TOM1: variants seen among roughly 807,000 people sequenced by gnomAD.
TOM1 encodes the protein target of Myb protein 1.
Under a neutral mutation model 61.3 loss-of-function variants are expected in TOM1, and 38 were observed. The ratio of observed to expected loss-of-function variants is 0.62; its 90% CI spans 0.48 to 0.81. The LOEUF is 0.81. TOM1 is among the 40% of genes least tolerant of loss of function. The pLI, the probability that TOM1 is intolerant of heterozygous loss-of-function variation, is 0.00. For synonymous variants in TOM1, 270 were observed against 268.8 expected (o/e 1.00, Z -0.04); for missense variants, 591 against 659.6 (o/e 0.90, Z 1.14).
Position 35,347,352 on chromosome 22 carries a change from C to CCAGCCA in TOM1, c.*147_*148insCACAGC. 6 of 857,032 alleles carry CCAGCCA rather than the reference C, an allele frequency of 7.0e-6. No homozygotes were observed. The highest frequency in any genetic ancestry group is 8.6e-6 in the Non-Finnish European group (5 of 581,162). 53.1% of individuals were successfully genotyped at this position (857,032 alleles called of 1,614,324 possible). The stretch of plus-strand genomic sequence containing the variant: ...CCTCCTCTTTGAAGACGGAGCTGCC[C>CCAGCCA]CAGCTGTGGCTGGGGGTGTGGAGGC... On this transcript the variant is annotated 3_prime_UTR_variant, in exon 15 of 15. Coordinates refer to ENST00000449058, the MANE Select transcript of TOM1 (RefSeq NM_005488.3).
intron 3 of TOM1, among the ~76,000 whole-genome samples, chr22:35,322,806 A>G (rs1163440682): frequency 1.3e-5 from 2 of 152,184 alleles, no homozygotes; most frequent in African/African-American, 2.4e-5. Flanking sequence ...AGTCCAGCCC[A>G]CACACCATAC....
At chr22:35,334,591 C>G (rs1929128707) in intron 11 of TOM1, 143 bp downstream of exon 11, 2 of 1,003,250 alleles carry the variant, frequency 2.0e-6, no homozygotes, top group Admixed American at 4.8e-5. Context: ...CTAAGTCAGT[C>G]CAGCATGGCC....
chr22:35,321,681 G>A (rs1188177932), intron 2 of TOM1: 6 of 522,216 alleles, frequency 1.1e-5, no homozygotes, highest in South Asian at 6.2e-5. Flanking sequence ...TTACAGGCAT[G>A]AGCCACCGCG....
At chr22:35,324,797 G>A (rs575385340) in intron 6 of TOM1, among the ~76,000 whole-genome samples, 166 of 152,328 alleles carry the variant, frequency 1.1e-3, no homozygotes, top group Non-Finnish European at 1.2e-3. Context: ...TGATCTACTC[G>A]TCTTGGCCTC....
At chr22:35,333,049 C>T (rs987125261) in intron 9 of TOM1, 35 bp downstream of exon 9, 5 of 1,611,594 alleles carry the variant, frequency 3.1e-6, no homozygotes, top group Non-Finnish European at 4.2e-6. Flanking sequence ...AGATCAGGCC[C>T]TGTTCATGGG....
intron 1 of TOM1, among the ~76,000 whole-genome samples, chr22:35,312,808 T>C (rs1218741621): frequency 6.6e-6 from 1 of 152,186 alleles, no homozygotes; most frequent in African/African-American, 2.4e-5. Context: ...TGACTGTGGC[T>C]GACGCCAGCC....
intron 11 of TOM1, among the ~76,000 whole-genome samples, 183 bp downstream of exon 11, chr22:35,334,631 C>T (rs1222411317): frequency 4.6e-5 from 7 of 152,170 alleles, no homozygotes; most frequent in South Asian, 2.1e-4. Context: ...TGACAGACTG[C>T]GCTCCCCACA....
At chr22:35,317,735 C>T in intron 1 of TOM1, 142 bp from the exon 2 acceptor site, 1 of 671,150 alleles carries the variant, frequency 1.5e-6, no homozygotes, top group Non-Finnish European at 2.8e-6. Flanking sequence ...CACACAGGGC[C>T]AGGCCCTGTG....
intron 1 of TOM1, among the ~76,000 whole-genome samples, chr22:35,300,614 C>T (rs1217605601): frequency 2.0e-5 from 3 of 152,188 alleles, no homozygotes; most frequent in African/African-American, 7.2e-5. Flanking sequence ...TCGGACAAAC[C>T]CTCCTGGTCA....
chr22:35,313,048 G>C (rs1926970326), intron 1 of TOM1, among the ~76,000 whole-genome samples: 1 of 152,100 alleles, frequency 6.6e-6, no homozygotes, highest in Non-Finnish European at 1.5e-5. Flanking sequence ...GTGTGGAAAG[G>C]GGTGATACTG....
chr22:35,339,062 G>A lies in TOM1; in HGVS notation c.1224+274G>A, dbSNP rs529136623. ...AACTGGAGACCAGGCCGGGCGTGGT[G>A]GCTCACACCTGTAATCCCAGCACTT... On this transcript the variant is annotated intron_variant, in intron 12 of 14. Coordinates refer to ENST00000449058, the MANE Select transcript of TOM1 (RefSeq NM_005488.3). Among the ~76,000 whole-genome samples the A allele has an allele frequency of 1.6e-3, 249 of 152,282 alleles. 2 individuals carry two copies. Among genetic ancestry groups the A allele is most frequent in the African/African-American group, 5.9e-3 (244 of 41,546 alleles).
In TOM1 at chr22:35,334,417, C is replaced by T. The variant is rs377303679; in HGVS notation, c.1117C>T (p.Arg373Trp). 5.7e-5 allele frequency: 92 copies of T among 1,613,936 alleles called. No homozygotes were observed. Among genetic ancestry groups the T allele is most frequent in the Middle Eastern group, 1.6e-4 (1 of 6,082 alleles). The change falls in exon 11 of 15, where the codon CGG becomes TGG. Residue 373 changes from arginine (R) to tryptophan (W), a missense_variant. By Grantham distance (101) the Arg-to-Trp change is moderately radical. Coordinates refer to ENST00000449058, the MANE Select transcript of TOM1 (RefSeq NM_005488.3). ...TGAGTTTGACATGTTTGCGCTGACA[C>T]GGGGCAGCTCACTGGCTGACCAACG... ...EDEFDMFALT[R>W]GSSLADQRKE...
intron 12 of TOM1, among the ~76,000 whole-genome samples, chr22:35,342,712 ACACACACCTC>A (rs1003516263): frequency 6.6e-6 from 1 of 151,612 alleles, no homozygotes; most frequent in African/African-American, 2.4e-5. Flanking sequence ...CACATCCACC[ACACACACCTC>A]CACACACCAC....
chr22:35,303,052 A>C (rs377904), intron 1 of TOM1, among the ~76,000 whole-genome samples: 77,820 of 151,712 alleles, frequency 0.51, 22,809 homozygotes, highest in Non-Finnish European at 0.65. Context: ...GACATCCCTC[A>C]GATGGTGATT....
At chr22:35,314,457 G>A (rs1280824459) in intron 1 of TOM1, among the ~76,000 whole-genome samples, 1 of 125,600 alleles carries the variant, frequency 8.0e-6, no homozygotes. Context: ...GGGTGGGGGC[G>A]GGGGGTCCTT....
Position 35,327,317 on chromosome 22 carries a change from G to A in TOM1, c.695G>A (p.Arg232Lys). ...SELEMVSGNV[R>K]VMSEMLTELV... ...CTGGAGATGGTGAGTGGGAACGTGAGGGTGATGTCGGAGATGCTGACGGAG... is the reference window on the plus strand; with the variant it reads ...CTGGAGATGGTGAGTGGGAACGTGAAGGTGATGTCGGAGATGCTGACGGAG... The change falls in exon 7 of 15, where the codon AGG becomes AAG. Residue 232 changes from arginine to lysine, a missense_variant. By Grantham distance (26) the Arg-to-Lys change is conservative. Transcript: ENST00000449058. 1.2e-6 allele frequency: 2 copies of A among 1,614,122 alleles called. No homozygotes were observed. Among genetic ancestry groups the A allele is most frequent in the Non-Finnish European group, 1.7e-6 (2 of 1,180,032 alleles).
rs1198846814 is a variant in TOM1, at chr22:35,324,007, C to G, written c.648+93C>G. ...CTGTCAGAATTTACCATCCACGGAG[C>G]CTCCACTTCTTCCTCACAGCAGCCC... is the stretch of plus-strand genomic sequence containing the variant. On this transcript the variant is annotated intron_variant, in intron 6 of 14. Transcript: ENST00000449058. The G allele has an allele frequency of 2.2e-5, 32 of 1,439,602 alleles. No homozygotes were observed. The East Asian group carries it at 7.3e-4, about 33-fold the overall frequency. 89.2% of individuals were successfully genotyped at this position (1,439,602 alleles called of 1,614,324 possible).
At chr22:35,346,840 C>T in intron 13 of TOM1, 90 bp from the exon 14 acceptor site, 1 of 1,270,632 alleles carries the variant, frequency 7.9e-7, no homozygotes. Context: ...TGCTGAGGTT[C>T]AGCGGGGCCC....
intron 1 of TOM1, among the ~76,000 whole-genome samples, chr22:35,314,112 A>T (rs1208372253): frequency 1.3e-5 from 2 of 152,240 alleles, no homozygotes; most frequent in African/African-American, 4.8e-5. Flanking sequence ...CCCTGTGGGC[A>T]TCTGAAGGAA....
Sources: gnomAD v4.1 joint callset for allele counts (sites outside exome capture counted in the v4.1 genomes callset) on GRCh38, gnomAD v4.1.1 for gene constraint, MANE v1.5 for transcripts, NCBI Gene and HGNC (gene_info 2026-07-23, HGNC 2026-07-21) for gene names.